ADGRG1: variants seen among roughly 807,000 people sequenced by gnomAD.
ADGRG1 encodes the protein adhesion G protein-coupled receptor G1.
A neutral mutation model predicts 73.5 loss-of-function variants in ADGRG1; 53 were observed. The ratio of observed to expected loss-of-function variants is 0.72; its 90% CI spans 0.58 to 0.91. The LOEUF (loss-of-function observed/expected upper bound fraction) is 0.91. Ranked by LOEUF, ADGRG1 falls within the 40% of genes least tolerant of loss-of-function variation. ADGRG1 has a pLI of 0.00. For missense variants in ADGRG1, 795 were observed against 871.8 expected (o/e 0.91, Z 1.11); for synonymous variants, 394 against 374.4 (o/e 1.05, Z -0.60).
At chr16:57,645,417 A>T (rs2147978888) in intron 1 of ADGRG1, 1 of 746,780 alleles carries the variant, frequency 1.3e-6, no homozygotes, top group African/African-American at 2.3e-5. Context: ...GATGTCTTTC[A>T]GGAAGCCCCT....
chr16:57,659,548 C>A lies in ADGRG1; in HGVS notation c.1422C>A (p.Ile474=). 1 of 1,614,176 alleles carries A rather than the reference C, an allele frequency of 6.2e-7. No individual in the cohort carries two copies. The highest frequency in any genetic ancestry group is 8.5e-7 in the Non-Finnish European group (1 of 1,180,012). Residue 474 remains isoleucine (I), a synonymous_variant, in exon 11 of 14, where the codon ATC becomes ATA. Coordinates refer to ENST00000562631, the MANE Select transcript of ADGRG1 (RefSeq NM_201525.4). Reference sequence around the variant, plus strand: ...AGGCTGGCTGCCGAGCCAGTGCCATCTTCCTGCACTTCTCCCTGCTCACCT... The same window carrying A: ...AGGCTGGCTGCCGAGCCAGTGCCATATTCCTGCACTTCTCCCTGCTCACCT... The part of the protein sequence containing the change: ...GSEAGCRASA[I]FLHFSLLTCL...
intron 12 of ADGRG1, chr16:57,661,364 C>A (rs1220254283): frequency 1.0e-6 from 1 of 985,100 alleles, no homozygotes; most frequent in African/African-American, 1.7e-5. Flanking sequence ...TCCCCTGAAC[C>A]CAAACCGGAA....
rs1452710634 is a variant in ADGRG1 at position 57,663,700 on chromosome 16, A to G, written c.*118A>G. 13 of 1,186,584 alleles carry G rather than the reference A, an allele frequency of 1.1e-5. No homozygotes were observed. The highest frequency in any genetic ancestry group is 7.2e-5 in the Admixed American group (4 of 55,236). The allele number at this position is 1,186,584 out of a possible 1,614,324, so 73.5% of individuals were successfully genotyped here. A position where few individuals can be genotyped will look rare whatever the true frequency, so the allele number is the denominator to read the frequency against. On this transcript the variant is annotated 3_prime_UTR_variant, in exon 14 of 14. Transcript: ENST00000562631. ...TCAGCCGCAGACTTTGGAAAGCCCA[A>G]CGACCATGGAGAGATGGGCCGTTGC...
Position 57,663,681 on chromosome 16 carries a change from G to C in ADGRG1, c.*99G>C. 1 of 1,375,068 alleles carries C rather than the reference G, an allele frequency of 7.3e-7. No homozygotes were observed. The highest frequency in any genetic ancestry group is 1.0e-6 in the Non-Finnish European group (1 of 980,478). 85.2% of individuals were successfully genotyped at this position (1,375,068 alleles called of 1,614,324 possible). On this transcript the variant is annotated 3_prime_UTR_variant, in exon 14 of 14. Coordinates refer to ENST00000562631, the MANE Select transcript of ADGRG1 (RefSeq NM_201525.4). ...CGGCCCAGCCCCAGGCCAGTCAGCC[G>C]CAGACTTTGGAAAGCCCAACGACCA...
intron 1 of ADGRG1, chr16:57,647,306 C>T (rs1488475545): frequency 1.0e-6 from 1 of 985,210 alleles, no homozygotes; most frequent in Non-Finnish European, 1.2e-6. Context: ...GCTTCATGCT[C>T]TAAGAATTTC....
At chr16:57,648,482 C>T (rs2043218010) in intron 1 of ADGRG1, 3 of 975,230 alleles carry the variant, frequency 3.1e-6, no homozygotes, top group Non-Finnish European at 3.7e-6. Flanking sequence ...ATTGGGGTTC[C>T]ATTCCACATG....
Position 57,645,287 on chromosome 16 carries a change from G to T in ADGRG1, c.-35-4966G>T, listed in dbSNP as rs562030072. ...CAGCGAGGGCCCATTTAAGGGGAAG[G>T]CCTCCAGGTGGGCAAGACTAGGCTG... On this transcript the variant is annotated intron_variant, in intron 1 of 13. Transcript: ENST00000562631. 689 of 985,444 alleles carry T rather than the reference G, an allele frequency of 7.0e-4. 2 individuals carry two copies. Among genetic ancestry groups the T allele is most frequent in the South Asian group, 3.6e-3 (76 of 21,290 alleles). The allele number at this position is 985,444 out of a possible 1,614,324, so 61.0% of individuals were successfully genotyped here. A position where few individuals can be genotyped will look rare whatever the true frequency, so the allele number is the denominator to read the frequency against.
In ADGRG1 at chr16:57,637,625, C is replaced by T. The variant is rs575155587; in HGVS notation, c.-36+8823C>T. 1.2e-3 allele frequency: 1,196 copies of T among 985,208 alleles called. 1 individual carries two copies. Among genetic ancestry groups the T allele is most frequent in the Admixed American group, 1.7e-3 (28 of 16,260 alleles). The allele number at this position is 985,208 out of a possible 1,614,324, so 61.0% of individuals were successfully genotyped here. On this transcript the variant is annotated intron_variant, in intron 1 of 13. Coordinates refer to ENST00000562631, the MANE Select transcript of ADGRG1 (RefSeq NM_201525.4). ...CAAGTCCTTTCTTTGCTTTCTTTTC[C>T]TCTTCCTCCGGGGGCCAAAAATAGG...
chr16:57,659,775 C>G (rs2046636894), intron 11 of ADGRG1, 94 bp downstream of exon 11: 4 of 1,334,564 alleles, frequency 3.0e-6, no homozygotes, highest in Non-Finnish European at 4.2e-6. Context: ...ACCTATCTCT[C>G]TGACTTCCCT....
intron 11 of ADGRG1, chr16:57,660,250 T>C: frequency 1.0e-6 from 1 of 985,370 alleles, no homozygotes; most frequent in African/African-American, 1.7e-5. Context: ...AGCTTGCTGC[T>C]CTTCGCGGGT....
chr16:57,647,361 C>T lies in ADGRG1; in HGVS notation c.-35-2892C>T, dbSNP rs555726927. 136 of 981,364 alleles carry T rather than the reference C, an allele frequency of 1.4e-4. No individual in the cohort carries two copies. In the African/African-American group the frequency reaches 1.5e-3, roughly 11 times the overall value. The allele number at this position is 981,364 out of a possible 1,614,324, so 60.8% of individuals were successfully genotyped here. Reference sequence around the variant, plus strand: ...GGTGAGCTGGTTGCTGGGGGCCGTACGGGAAGAGGGGGAAACAGGGAGGAG... The same window carrying T: ...GGTGAGCTGGTTGCTGGGGGCCGTATGGGAAGAGGGGGAAACAGGGAGGAG... On this transcript the variant is annotated intron_variant, in intron 1 of 13. Transcript: ENST00000562631.
chr16:57,622,134 A>AAAC (rs1555528864), intron 2 of ADGRG1: 4 of 152,048 alleles, frequency 2.6e-5, no homozygotes, highest in African/African-American at 9.7e-5. Context: ...AAAAAAAAAA[A>AAAC]AAAACAAAAC....
intron 1 of ADGRG1, chr16:57,636,304 A>G (rs1052533896): frequency 1.0e-6 from 1 of 985,298 alleles, no homozygotes; most frequent in African/African-American, 1.7e-5. Flanking sequence ...CTTCTAATCC[A>G]GCAGCCATTA....
rs931362482 is a variant in ADGRG1 at position 57,645,120 on chromosome 16, G to C, written c.-35-5133G>C. 20 of 984,190 alleles carry C rather than the reference G, an allele frequency of 2.0e-5. No individual in the cohort carries two copies. The African/African-American group carries it at 2.7e-4, about 13-fold the overall frequency. The allele number at this position is 984,190 out of a possible 1,614,324, so 61.0% of individuals were successfully genotyped here. A position where few individuals can be genotyped will look rare whatever the true frequency, so the allele number is the denominator to read the frequency against. ...GGAGTTCATCCTCACCCTGCCGCCC[G>C]ACCCCCTGGGCCAAATCCTTGCTTC... is the stretch of plus-strand genomic sequence containing the variant. On this transcript the variant is annotated intron_variant, in intron 1 of 13. Coordinates refer to ENST00000562631, the MANE Select transcript of ADGRG1 (RefSeq NM_201525.4).
chr16:57,655,733 C>A lies in ADGRG1; in HGVS notation c.901-143C>A, dbSNP rs2148418778. 4 of 1,604,212 alleles carry A rather than the reference C, an allele frequency of 2.5e-6. No homozygotes were observed. In the South Asian group the frequency reaches 3.3e-5, roughly 13 times the overall value. On this transcript the variant is annotated intron_variant, in intron 6 of 13. Coordinates refer to ENST00000562631, the MANE Select transcript of ADGRG1 (RefSeq NM_201525.4). ...ACTATAGTGTAAATGACTACATGGG[C>A]AAAAGTGGTTCCAGAGGGAGACGCA...
At position 57,632,151 on chromosome 16, in the gene ADGRG1, C is replaced by T. The variant is rs369777875; in HGVS notation, c.-36+3349C>T. 1.4e-4 allele frequency: 138 copies of T among 985,478 alleles called. 2 individuals carry two copies. The East Asian group carries it at 0.011, about 82-fold the overall frequency. 61.0% of individuals were successfully genotyped at this position (985,478 alleles called of 1,614,324 possible). Reference sequence around the variant, plus strand: ...GAGGCTTACCCAGTGAGCAACCCCACATCTTTGGGGATCCAGAATTTGGGC... The same window carrying T: ...GAGGCTTACCCAGTGAGCAACCCCATATCTTTGGGGATCCAGAATTTGGGC... On this transcript the variant is annotated intron_variant, in intron 1 of 13. Transcript: ENST00000562631.
chr16:57,657,283 AG>A, intron 9 of ADGRG1, 89 bp from the exon 10 acceptor site: 1 of 1,596,818 alleles, frequency 6.3e-7, no homozygotes, highest in Non-Finnish European at 8.6e-7. Context: ...GAGGCCCACC[AG>A]GGACCCCAGG....
At chr16:57,635,463 A>G in intron 1 of ADGRG1, 1 of 985,416 alleles carries the variant, frequency 1.0e-6, no homozygotes, top group Non-Finnish European at 1.2e-6. Flanking sequence ...GGGGGAGGAC[A>G]GCCAGTGTCT....
In ADGRG1 at chr16:57,654,059, C is replaced by A; in HGVS notation, c.694C>A (p.Arg232=). Residue 232 remains arginine (R), a synonymous_variant, in exon 5 of 14, where the codon CGG becomes AGG. Coordinates refer to ENST00000562631, the MANE Select transcript of ADGRG1 (RefSeq NM_201525.4). The stretch of plus-strand genomic sequence containing the variant: ...GGACATGGTGTCCTTCGAGGAGGAC[C>A]GGATCAACGCCACGGTGTGGAAGCT... The part of the protein sequence containing the change: ...MGDMVSFEED[R]INATVWKLQP... 1 of 1,613,966 alleles carries A rather than the reference C, an allele frequency of 6.2e-7. No homozygotes were observed. Among genetic ancestry groups the A allele is most frequent in the Non-Finnish European group, 8.5e-7 (1 of 1,180,012 alleles).
Sources: allele counts gnomAD v4.1 joint callset, GRCh38; gene constraint gnomAD v4.1.1; transcripts MANE v1.5; gene names NCBI Gene and HGNC (gene_info 2026-07-23, HGNC 2026-07-21).